The following PLCXD3 variants were observed in gnomAD, a reference collection of about 807,000 sequenced individuals.
PLCXD3 encodes the protein phosphatidylinositol specific phospholipase C X domain containing 3, also known as PI-PLC X domain-containing protein 3.
In PLCXD3, 19 loss-of-function variants were observed where a neutral mutation model predicts 25.5. The observed-to-expected ratio is 0.75, with a 90% CI of 0.52 to 1.09. The LOEUF (loss-of-function observed/expected upper bound fraction) is 1.09, where lower values mean the gene tolerates loss of function less well. Among genes scored for constraint, PLCXD3 ranks in the 50% least tolerant of loss-of-function variants. PLCXD3 has a pLI of 0.00. For synonymous variants in PLCXD3, 174 were observed against 137.6 expected (o/e 1.26, Z -1.85); for missense variants, 411 against 388.1 (o/e 1.06, Z -0.50).
chr5:41,355,788 G>A (rs1580320851), intron 2 of PLCXD3, among the ~76,000 whole-genome samples: 2 of 152,212 alleles, frequency 1.3e-5, no homozygotes, highest in African/African-American at 4.8e-5. Context: ...GGGCACAGGG[G>A]AGTGCTGGTC....
intron 1 of PLCXD3, among the ~76,000 whole-genome samples, chr5:41,469,736 T>C (rs1450417145): frequency 6.7e-6 from 1 of 149,188 alleles, no homozygotes; most frequent in East Asian, 1.9e-4. Context: ...CTAAAGTGTA[T>C]TTATATGTGT....
chr5:41,456,546 C>G, intron 1 of PLCXD3: 1 of 940,478 alleles, frequency 1.1e-6, no homozygotes, highest in Non-Finnish European at 1.3e-6. Context: ...TCTAGACTTA[C>G]CCATTTTATT....
At chr5:41,353,730 G>A (rs1048712861) in intron 2 of PLCXD3, among the ~76,000 whole-genome samples, 7 of 152,208 alleles carry the variant, frequency 4.6e-5, no homozygotes, top group South Asian at 2.1e-4. Flanking sequence ...TCACTCACTG[G>A]GGAAGCAATA....
intron 1 of PLCXD3, among the ~76,000 whole-genome samples, chr5:41,486,453 C>G (rs1426146292): frequency 6.6e-6 from 1 of 152,048 alleles, no homozygotes; most frequent in Non-Finnish European, 1.5e-5. Context: ...TTTCTATGTC[C>G]AGCTGCATCA....
chr5:41,385,120 G>A (rs138183287), intron 1 of PLCXD3, among the ~76,000 whole-genome samples: 43 of 152,168 alleles, frequency 2.8e-4, no homozygotes, highest in African/African-American at 9.4e-4. Context: ...CTATTTGTTT[G>A]AATGTAAAGC....
chr5:41,452,217 C>A (rs1747649426), intron 1 of PLCXD3, among the ~76,000 whole-genome samples: 1 of 152,000 alleles, frequency 6.6e-6, no homozygotes, highest in South Asian at 2.1e-4. Flanking sequence ...AGACCATCTT[C>A]TTTTCATTCT....
chr5:41,386,346 T>A (rs919296882), intron 1 of PLCXD3, among the ~76,000 whole-genome samples: 3 of 152,106 alleles, frequency 2.0e-5, no homozygotes, highest in African/African-American at 7.2e-5. Flanking sequence ...AAATGGCACA[T>A]AGCATCAATT....
intron 1 of PLCXD3, among the ~76,000 whole-genome samples, chr5:41,441,005 A>G (rs1214606874): frequency 6.6e-6 from 1 of 152,236 alleles, no homozygotes; most frequent in African/African-American, 2.4e-5. Context: ...AGTGGACTTC[A>G]GGCCCACAGA....
intron 1 of PLCXD3, among the ~76,000 whole-genome samples, chr5:41,401,960 A>T (rs928212774): frequency 2.0e-5 from 3 of 151,762 alleles, no homozygotes; most frequent in South Asian, 2.1e-4. Flanking sequence ...TTCATTCCTG[A>T]TGTTGGTTAA....
intron 1 of PLCXD3, among the ~76,000 whole-genome samples, chr5:41,483,461 T>C (rs1748455858): frequency 1.3e-5 from 2 of 152,144 alleles, no homozygotes; most frequent in Non-Finnish European, 2.9e-5. Context: ...TCTTAAAAGG[T>C]TGTCGCTGTA....
chr5:41,355,530 T>G (rs1419417874), intron 2 of PLCXD3, among the ~76,000 whole-genome samples: 2 of 152,228 alleles, frequency 1.3e-5, no homozygotes, highest in Non-Finnish European at 2.9e-5. Context: ...CAGTTGTCAA[T>G]GTCCACTTAT....
intron 1 of PLCXD3, among the ~76,000 whole-genome samples, chr5:41,505,127 G>T (rs1471467844): frequency 6.6e-6 from 1 of 152,136 alleles, no homozygotes; most frequent in East Asian, 1.9e-4. Context: ...CTAAGTCAGG[G>T]TATAATAAAT....
intron 2 of PLCXD3, among the ~76,000 whole-genome samples, chr5:41,374,563 G>C (rs1232416866): frequency 1.3e-5 from 2 of 152,050 alleles, no homozygotes; most frequent in African/African-American, 2.4e-5. Context: ...ACAGACACAC[G>C]TACATATATG....
At chr5:41,493,833 G>A (rs993440923) in intron 1 of PLCXD3, among the ~76,000 whole-genome samples, 19 of 152,188 alleles carry the variant, frequency 1.2e-4, no homozygotes, top group African/African-American at 3.1e-4. Flanking sequence ...TCCAGGTGCC[G>A]TCTGTCACCC....
intron 1 of PLCXD3, among the ~76,000 whole-genome samples, chr5:41,403,852 C>T (rs1413698328): frequency 6.6e-6 from 1 of 150,572 alleles, no homozygotes; most frequent in African/African-American, 2.4e-5. Context: ...GTGAATAGTG[C>T]CGCAATAAAC....
chr5:41,326,299 T>C (rs1743624917), intron 2 of PLCXD3, among the ~76,000 whole-genome samples: 1 of 152,158 alleles, frequency 6.6e-6, no homozygotes, highest in African/African-American at 2.4e-5. Context: ...GCCACAGTCT[T>C]GTGCCTATGT....
intron 2 of PLCXD3, among the ~76,000 whole-genome samples, chr5:41,362,020 G>T (rs1051955823): frequency 6.6e-6 from 1 of 152,124 alleles, no homozygotes; most frequent in Non-Finnish European, 1.5e-5. Flanking sequence ...GAGATAACCT[G>T]AAATTTGGAT....
At chr5:41,500,721 A>G (rs1748933671) in intron 1 of PLCXD3, among the ~76,000 whole-genome samples, 1 of 151,922 alleles carries the variant, frequency 6.6e-6, no homozygotes, top group Non-Finnish European at 1.5e-5. Flanking sequence ...AAAATAAACA[A>G]GTGGAACTAC....
chr5:41,402,652 A>T (rs1366875605), intron 1 of PLCXD3, among the ~76,000 whole-genome samples: 1 of 151,918 alleles, frequency 6.6e-6, no homozygotes, highest in Non-Finnish European at 1.5e-5. Flanking sequence ...TGAGAAAGGA[A>T]TTTTAAAATG....
Sources: allele counts gnomAD v4.1 joint callset (sites outside exome capture counted in the v4.1 genomes callset), GRCh38; gene constraint gnomAD v4.1.1; transcripts MANE v1.5; gene names NCBI Gene and HGNC (gene_info 2026-07-23, HGNC 2026-07-21).